The following ARFGAP3 variants were observed in gnomAD, a reference collection of about 807,000 sequenced individuals.
ARFGAP3 encodes ARF GTPase activating protein 3.
ARFGAP3 carries 72 observed loss-of-function variants against 75.0 expected under a neutral mutation model. That is an observed-to-expected ratio of 0.96 (90% CI 0.79 to 1.17). ARFGAP3 has a LOEUF of 1.17. Ranked by LOEUF, ARFGAP3 falls within the 50% of genes most tolerant of loss-of-function variation. ARFGAP3 has a pLI of 0.00. For synonymous variants in ARFGAP3, 221 were observed against 217.9 expected (o/e 1.01, Z -0.13); for missense variants, 620 against 626.6 (o/e 0.99, Z 0.11).
chr22:42,838,210 T>C (rs887779098), intron 3 of ARFGAP3, among the ~76,000 whole-genome samples: 1 of 151,432 alleles, frequency 6.6e-6, no homozygotes, highest in Admixed American at 6.6e-5. Flanking sequence ...GAAACTAGCA[T>C]TTTGGAAACT....
intron 9 of ARFGAP3, among the ~76,000 whole-genome samples, chr22:42,819,406 T>A (rs1925716218): frequency 6.6e-6 from 1 of 152,200 alleles, no homozygotes; most frequent in Admixed American, 6.5e-5. Context: ...AAGTTTTCCT[T>A]CCTAGGTAAT....
At chr22:42,848,267 G>A (rs143813569) in intron 1 of ARFGAP3, among the ~76,000 whole-genome samples, 2,871 of 152,008 alleles carry the variant, frequency 0.019, 44 homozygotes, top group Non-Finnish European at 0.026. Context: ...GGAGTGCAGC[G>A]GCACGATTTC....
chr22:42,804,866 A>G (rs1469389963), intron 14 of ARFGAP3, among the ~76,000 whole-genome samples: 3 of 152,236 alleles, frequency 2.0e-5, no homozygotes, highest in Admixed American at 2.0e-4. Flanking sequence ...TTACTTCAAT[A>G]GGAAAGTATT....
In ARFGAP3 at chr22:42,835,414, C is replaced by T. The variant is rs1212617488; in HGVS notation, c.341G>A (p.Arg114Lys). ...AGAGGCGAGCGATTTGATTTTCTCC[C>T]TATAGAGCTGAGCAGCACGACTGTT... ...KYNSRAAQLY[R>K]EKIKSLASQA... Residue 114 changes from arginine (R) to lysine (K), a missense_variant, in exon 4 of 16, where the codon AGG becomes AAG. Coordinates refer to ENST00000263245, the MANE Select transcript of ARFGAP3 (RefSeq NM_014570.5). 6.2e-7 allele frequency: 1 copy of T among 1,614,036 alleles called. No homozygotes were observed. The highest frequency in any genetic ancestry group is 1.3e-5 in the African/African-American group (1 of 74,928).
intron 3 of ARFGAP3, among the ~76,000 whole-genome samples, chr22:42,840,431 T>G (rs748302457): frequency 4.6e-5 from 7 of 152,008 alleles, no homozygotes; most frequent in Non-Finnish European, 7.4e-5. Context: ...TTGTTTGTTT[T>G]TTTGGGATGG....
chr22:42,811,905 G>A (rs1037505411), intron 11 of ARFGAP3, among the ~76,000 whole-genome samples: 3 of 152,066 alleles, frequency 2.0e-5, no homozygotes, highest in African/African-American at 4.8e-5. Flanking sequence ...AGCCAGGCAC[G>A]GTGGCTCACA....
At chr22:42,835,126 A>G (rs1462525944) in intron 4 of ARFGAP3, among the ~76,000 whole-genome samples, 1 of 152,254 alleles carries the variant, frequency 6.6e-6, no homozygotes, top group Non-Finnish European at 1.5e-5. Flanking sequence ...AAATGAGACC[A>G]GAGCTTATAG....
chr22:42,813,245 T>C (rs1925444910), intron 11 of ARFGAP3, among the ~76,000 whole-genome samples: 1 of 152,154 alleles, frequency 6.6e-6, no homozygotes, highest in Non-Finnish European at 1.5e-5. Context: ...GGAGGCTGAC[T>C]TGAATGCAGA....
intron 3 of ARFGAP3, among the ~76,000 whole-genome samples, chr22:42,838,288 A>ATTTT (rs200113978): frequency 6.9e-5 from 9 of 130,726 alleles, no homozygotes; most frequent in African/African-American, 2.8e-4. Context: ...ATATATATAT[A>ATTTT]TATTTTTTTT....
chr22:42,805,569 G>A (rs1569135608), intron 14 of ARFGAP3, among the ~76,000 whole-genome samples: 1 of 152,188 alleles, frequency 6.6e-6, no homozygotes, highest in East Asian at 1.9e-4. Context: ...GACACTGAAA[G>A]TTTGGAGATG....
At chr22:42,848,958 C>T (rs900693388) in intron 1 of ARFGAP3, among the ~76,000 whole-genome samples, 7 of 152,174 alleles carry the variant, frequency 4.6e-5, no homozygotes, top group African/African-American at 1.7e-4. Context: ...CTCTCTCCCC[C>T]TCTCTCCCTC....
intron 7 of ARFGAP3, 82 bp from the exon 8 acceptor site, chr22:42,823,784 C>G: frequency 7.7e-7 from 1 of 1,306,736 alleles, no homozygotes; most frequent in South Asian, 1.5e-5. Context: ...TTCTAAGATA[C>G]TGCACTTTAT....
At chr22:42,827,148 G>A (rs551819800) in intron 6 of ARFGAP3, 149 bp from the exon 7 acceptor site, 10 of 1,281,384 alleles carry the variant, frequency 7.8e-6, no homozygotes, top group Admixed American at 7.2e-5. Flanking sequence ...CTATTTTAAC[G>A]TTATAAGAAT....
At chr22:42,825,066 T>C (rs1925979246) in intron 7 of ARFGAP3, among the ~76,000 whole-genome samples, 1 of 152,240 alleles carries the variant, frequency 6.6e-6, no homozygotes, top group African/African-American at 2.4e-5. Context: ...GTTCGCAGCC[T>C]GGACAACATA....
chr22:42,810,116 T>G (rs1312860936), intron 12 of ARFGAP3, among the ~76,000 whole-genome samples: 1 of 152,070 alleles, frequency 6.6e-6, no homozygotes, highest in Non-Finnish European at 1.5e-5. Context: ...ACACACACAT[T>G]TCTTTCAAGG....
chr22:42,840,542 G>A (rs945387151), intron 3 of ARFGAP3, among the ~76,000 whole-genome samples: 4 of 151,708 alleles, frequency 2.6e-5, no homozygotes, highest in Admixed American at 2.0e-4. Context: ...TCAGCCTCCC[G>A]AGTAGCTGGG....
intron 12 of ARFGAP3, among the ~76,000 whole-genome samples, chr22:42,809,178 G>A (rs1925255998): frequency 6.6e-6 from 1 of 152,114 alleles, no homozygotes; most frequent in Non-Finnish European, 1.5e-5. Context: ...ACATTGTTTG[G>A]AATGTCCATA....
intron 3 of ARFGAP3, among the ~76,000 whole-genome samples, chr22:42,836,222 T>TTGCC (rs1201799052): frequency 2.6e-5 from 4 of 152,084 alleles, no homozygotes; most frequent in Non-Finnish European, 4.4e-5. Context: ...AGGAATCCAC[T>TTGCC]TGCCTTGGCC....
At chr22:42,800,464 G>A (rs940608195) in intron 14 of ARFGAP3, among the ~76,000 whole-genome samples, 15 of 152,172 alleles carry the variant, frequency 9.9e-5, no homozygotes, top group African/African-American at 3.6e-4. Context: ...CTGGGAGGTG[G>A]AGGTTGCAGT....
Sources: allele counts gnomAD v4.1 joint callset (sites outside exome capture counted in the v4.1 genomes callset), GRCh38; gene constraint gnomAD v4.1.1; transcripts MANE v1.5; gene names NCBI Gene and HGNC (gene_info 2026-07-23, HGNC 2026-07-21).